Variants in AGAP1 observed in about 807,000 individuals in gnomAD.
The protein encoded by AGAP1 is ArfGAP with GTPase domain, ankyrin repeat and PH domain 1, also known as arf-GAP with GTPase, ANK repeat and PH domain-containing protein 1.
AGAP1 carries 29 observed loss-of-function variants against 105.3 expected under a neutral mutation model. The ratio of observed to expected loss-of-function variants is 0.28; its 90% CI spans 0.21 to 0.38. The LOEUF (loss-of-function observed/expected upper bound fraction) is 0.38. Among genes scored for constraint, AGAP1 ranks in the 10% least tolerant of loss-of-function variants. The probability of loss-of-function intolerance (pLI) is 1.00; values close to 1 mark genes in which losing one functional copy is unlikely to be tolerated. For synonymous variants in AGAP1, 509 were observed against 485.9 expected (o/e 1.05, Z -0.63); for missense variants, 998 against 1,165.1 (o/e 0.86, Z 2.09).
At chr2:235,533,646 G>C (rs922002342) in intron 1 of AGAP1, among the ~76,000 whole-genome samples, 26 of 152,178 alleles carry the variant, frequency 1.7e-4, no homozygotes, top group Non-Finnish European at 7.4e-5. Flanking sequence ...TTGGGTCTTT[G>C]TTCTTTCATG....
At position 235,750,350 on chromosome 2, in the gene AGAP1, C is replaced by T. The variant is rs1160184879; in HGVS notation, c.539-4C>T. The T allele has an allele frequency of 1.2e-6, 2 of 1,613,966 alleles. No homozygotes were observed. The highest frequency in any genetic ancestry group is 2.2e-5 in the East Asian group (1 of 44,884). ...TGCCGTTACTTTTTGGTCTTCTGTT[C>T]CAGATGCCATAAGTTCTGCTAACCC... On this transcript the variant is annotated splice_polypyrimidine_tract_variant and splice_region_variant and intron_variant, in intron 5 of 17. Transcript: ENST00000304032. The surrounding 1 kb of genome is among the most constrained non-coding windows in gnomAD (Gnocchi z 5.3).
rs568027870 is a variant in AGAP1 at position 235,976,687 on chromosome 2, T to C, written c.1645+8064T>C. Among the ~76,000 whole-genome samples the C allele has an allele frequency of 6.6e-6, 1 of 152,220 alleles. No individual in the cohort carries two copies. Among genetic ancestry groups the C allele is most frequent in the South Asian group, 2.1e-4 (1 of 4,802 alleles). On this transcript the variant is annotated intron_variant, in intron 13 of 17. Transcript: ENST00000304032. This position sits in a 1 kb window ranked among gnomAD's most constrained non-coding sequence, Gnocchi z 4.5. ...AGCGGCCCAGCCATCAGGACACACA[T>C]AGACCAGTGGAGAAAGCAGAAACAC...
chr2:236,122,176 C>T (rs571498097), intron 17 of AGAP1, among the ~76,000 whole-genome samples: 1 of 152,246 alleles, frequency 6.6e-6, no homozygotes, highest in East Asian at 1.9e-4. Flanking sequence ...GTTTTGAACT[C>T]CTGCCTTTAA....
chr2:235,502,793 A>G (rs774105936), intron 1 of AGAP1, among the ~76,000 whole-genome samples: 1 of 138,098 alleles, frequency 7.2e-6, no homozygotes, highest in Non-Finnish European at 1.5e-5. Context: ...CAAATGATTT[A>G]TGTTTGGTCT....
rs7595159 is a variant in AGAP1, at chr2:235,569,744, A to G, written c.163+74895A>G. 0.14 allele frequency among the ~76,000 whole-genome samples: 21,272 copies of G among 152,228 alleles called. 2,036 individuals carry two copies. Among genetic ancestry groups the G allele is most frequent in the Non-Finnish European group, 0.21 (14,357 of 67,982 alleles). On this transcript the variant is annotated intron_variant, in intron 1 of 17. Coordinates refer to ENST00000304032, the MANE Select transcript of AGAP1 (RefSeq NM_001037131.3). The surrounding 1 kb of genome is among the most constrained non-coding windows in gnomAD (Gnocchi z 5.9). ...CCTCACAGGAGATGCAGGTCTTTCTATGGAACCTGTAGGTTCTGAGACCGA... is the reference window on the plus strand; with the variant it reads ...CCTCACAGGAGATGCAGGTCTTTCTGTGGAACCTGTAGGTTCTGAGACCGA...
Position 235,687,091 on chromosome 2 carries a change from G to A in AGAP1, c.164-22088G>A, listed in dbSNP as rs148204094. On this transcript the variant is annotated intron_variant, in intron 1 of 17. Transcript: ENST00000304032. ...GACATGCAGATTGCAGATCAGGTGG[G>A]CGGGAGCTGATAACATTCTCACTTG... Among the ~76,000 whole-genome samples, 19 of 152,230 alleles carry A rather than the reference G, an allele frequency of 1.2e-4. 1 individual carries two copies. In the East Asian group the frequency reaches 3.7e-3, roughly 29 times the overall value.
chr2:235,680,354 G>T (rs528901121), intron 1 of AGAP1, among the ~76,000 whole-genome samples: 2 of 152,302 alleles, frequency 1.3e-5, no homozygotes, highest in African/African-American at 4.8e-5. Flanking sequence ...GGACAGGGCA[G>T]GGGTTTGAGT....
In AGAP1 at chr2:235,691,491, G is replaced by A. The variant is rs909659975; in HGVS notation, c.164-17688G>A. 2.0e-5 allele frequency among the ~76,000 whole-genome samples: 3 copies of A among 152,240 alleles called. No individual in the cohort carries two copies. Among genetic ancestry groups the A allele is most frequent in the Admixed American group, 6.5e-5 (1 of 15,282 alleles). On this transcript the variant is annotated intron_variant, in intron 1 of 17. Coordinates refer to ENST00000304032, the MANE Select transcript of AGAP1 (RefSeq NM_001037131.3). The surrounding 1 kb of genome is among the most constrained non-coding windows in gnomAD (Gnocchi z 4.4). ...CTCATTTGAGATGTGCCAACATTTA[G>A]TCGGATTCTGTGACTGGTCGTGAGT...
intron 14 of AGAP1, among the ~76,000 whole-genome samples, chr2:236,039,660 A>G (rs2057487511): frequency 6.6e-6 from 1 of 152,248 alleles, no homozygotes; most frequent in Admixed American, 6.5e-5. Context: ...CTATGCAGCC[A>G]TTTAAAATGA....
intron 5 of AGAP1, among the ~76,000 whole-genome samples, chr2:235,745,511 C>T (rs1952859067): frequency 1.3e-5 from 2 of 152,196 alleles, no homozygotes; most frequent in African/African-American, 2.4e-5. Context: ...TAAGATGTCA[C>T]GTAGGATGTT....
intron 11 of AGAP1, among the ~76,000 whole-genome samples, chr2:235,915,459 G>A (rs1311118995): frequency 8.7e-6 from 1 of 114,614 alleles, no homozygotes; most frequent in African/African-American, 3.3e-5. Flanking sequence ...CAGATCCCCT[G>A]AGCCCAAGAG....
chr2:235,944,271 A>G (rs77097503), intron 12 of AGAP1, among the ~76,000 whole-genome samples: 8,900 of 152,256 alleles, frequency 0.058, 847 homozygotes, highest in African/African-American at 0.2. Flanking sequence ...CTCACACATG[A>G]TCATTCCATC....
At chr2:236,039,994 T>C (rs769339125) in intron 14 of AGAP1, among the ~76,000 whole-genome samples, 12 of 151,836 alleles carry the variant, frequency 7.9e-5, no homozygotes, top group Non-Finnish European at 1.6e-4. Flanking sequence ...ACCTGTAATC[T>C]CAACACTATA....
At chr2:235,918,437 A>T (rs1333766483) in intron 11 of AGAP1, among the ~76,000 whole-genome samples, 1 of 152,236 alleles carries the variant, frequency 6.6e-6, no homozygotes, top group Admixed American at 6.5e-5. Flanking sequence ...AAGTTAGCTA[A>T]ATCTGACATT....
rs1417591166 is a variant in AGAP1 at position 235,740,927 on chromosome 2, G to T, written c.311-36G>T. ...CTGTCTGCCCTCCTCACTCTCTGTT[G>T]TTCTCGTGTAACGAGATGTTTTGTG... On this transcript the variant is annotated intron_variant, in intron 3 of 17. Transcript: ENST00000304032. This position sits in a 1 kb window ranked among gnomAD's most constrained non-coding sequence, Gnocchi z 5.7. 6.2e-7 allele frequency: 1 copy of T among 1,612,580 alleles called. No homozygotes were observed. The highest frequency in any genetic ancestry group is 1.3e-5 in the African/African-American group (1 of 74,920).
Position 235,867,773 on chromosome 2 carries a change from G to A in AGAP1, c.1051-15572G>A, listed in dbSNP as rs1341496388. Among the ~76,000 whole-genome samples the A allele has an allele frequency of 6.6e-6, 1 of 152,156 alleles. No homozygotes were observed. The highest frequency in any genetic ancestry group is 1.9e-4 in the East Asian group (1 of 5,190). ...GCCTCAGCAGGGGCATCACCTGGAT[G>A]TACCATTTTCCGCATGGAGCTGGTG... On this transcript the variant is annotated intron_variant, in intron 9 of 17. Transcript: ENST00000304032. This position sits in a 1 kb window ranked among gnomAD's most constrained non-coding sequence, Gnocchi z 5.4.
At position 235,747,880 on chromosome 2, in the gene AGAP1, G is replaced by A. The variant is rs1192085003; in HGVS notation, c.539-2474G>A. 6.6e-6 allele frequency among the ~76,000 whole-genome samples: 1 copy of A among 152,208 alleles called. No homozygotes were observed. The highest frequency in any genetic ancestry group is 1.9e-4 in the East Asian group (1 of 5,190). ...CAGAGCATATGGGATGGGAAAGAAC[G>A]GAAGAGGAATTAGGTTCATTGCCAA... On this transcript the variant is annotated intron_variant, in intron 5 of 17. Transcript: ENST00000304032. This position sits in a 1 kb window ranked among gnomAD's most constrained non-coding sequence, Gnocchi z 5.0.
In AGAP1 at chr2:236,001,908, T is replaced by A. The variant is rs59705543; in HGVS notation, c.1645+33285T>A. Among the ~76,000 whole-genome samples, 31,287 of 152,100 alleles carry A rather than the reference T, an allele frequency of 0.21. 3,513 individuals carry two copies. The highest frequency in any genetic ancestry group is 0.29 in the South Asian group (1,411 of 4,812). ...TTAACAATTACCAGTAATACTTCCCTGAACATCATTGCACATACATTCTGA... is the reference window on the plus strand; with the variant it reads ...TTAACAATTACCAGTAATACTTCCCAGAACATCATTGCACATACATTCTGA... On this transcript the variant is annotated intron_variant, in intron 13 of 17. Coordinates refer to ENST00000304032, the MANE Select transcript of AGAP1 (RefSeq NM_001037131.3). This position sits in a 1 kb window ranked among gnomAD's most constrained non-coding sequence, Gnocchi z 4.7.
intron 11 of AGAP1, among the ~76,000 whole-genome samples, chr2:235,917,930 T>TA (rs776606610): frequency 7.3e-5 from 11 of 151,660 alleles, no homozygotes; most frequent in African/African-American, 2.4e-4. Flanking sequence ...TAATAGCTAT[T>TA]AAAAAAAAAT....
Sources: allele counts gnomAD v4.1 joint callset (sites outside exome capture counted in the v4.1 genomes callset), GRCh38; gene constraint gnomAD v4.1.1; non-coding constraint Gnocchi (gnomAD v3.1); transcripts MANE v1.5; gene names NCBI Gene and HGNC (gene_info 2026-07-23, HGNC 2026-07-21).